Variants in FUT8 observed in about 807,000 individuals in gnomAD.
FUT8 encodes the protein alpha-(1,6)-fucosyltransferase.
In FUT8, 29 loss-of-function variants were observed where a neutral mutation model predicts 71.3. The ratio of observed to expected loss-of-function variants is 0.41; its 90% CI spans 0.30 to 0.55. The LOEUF is 0.55. Among genes scored for constraint, FUT8 ranks in the 20% least tolerant of loss-of-function variants. The pLI, the probability that FUT8 is intolerant of heterozygous loss-of-function variation, is 0.34. For missense variants in FUT8, 544 were observed against 702.1 expected (o/e 0.77, Z 2.55); for synonymous variants, 254 against 239.3 (o/e 1.06, Z -0.57).
chr14:65,471,187 C>A, intron 2 of FUT8: 1 of 213,514 alleles, frequency 4.7e-6, no homozygotes, highest in Non-Finnish European at 1.0e-5. Context: ...CCTCTGCCCT[C>A]TACCAACTGT....
chr14:65,691,060 C>T (rs1168439796), intron 7 of FUT8, among the ~76,000 whole-genome samples: 1 of 151,126 alleles, frequency 6.6e-6, no homozygotes, highest in South Asian at 2.1e-4. Context: ...TTGTATCCTA[C>T]AACCTTGATA....
chr14:65,466,735 G>A (rs2139608315), intron 2 of FUT8, among the ~76,000 whole-genome samples: 1 of 152,020 alleles, frequency 6.6e-6, no homozygotes, highest in African/African-American at 2.4e-5. Context: ...GGGCGACAGA[G>A]CAAGACTGTC....
In FUT8 at chr14:65,677,151, T is replaced by TGTGTGTGTGTGTGTGCGCGCGCGC; in HGVS notation, c.835+7672_835+7673insTGTGTGTGTGTGTGCGCGCGCGCG. 1.4e-3 allele frequency among the ~76,000 whole-genome samples: 150 copies of TGTGTGTGTGTGTGTGCGCGCGCGC among 110,694 alleles called. 1 individual carries two copies. Among genetic ancestry groups the TGTGTGTGTGTGTGTGCGCGCGCGC allele is most frequent in the Non-Finnish European group, 2.0e-3 (110 of 55,670 alleles). The allele number at this position is 110,694 out of a possible 152,430, so 72.6% of individuals were successfully genotyped here. ...GTGTGTGTGTGTGTGTGTGTGTGTGTGCGCGCGCGCATGCGCGCGCACGTA... is the reference window on the plus strand; with the variant it reads ...GTGTGTGTGTGTGTGTGTGTGTGTGTGTGTGTGTGTGTGTGCGCGCGCGCGCGCGCGCGCATGCGCGCGCACGTA... On this transcript the variant is annotated intron_variant, in intron 7 of 10. Coordinates refer to ENST00000673929, the MANE Select transcript of FUT8 (RefSeq NM_001371533.1).
In FUT8 at chr14:65,547,111, CT is replaced by C. The variant is rs925502203; in HGVS notation, c.-227-14216del. Among the ~76,000 whole-genome samples the C allele has an allele frequency of 3.2e-4, 47 of 147,188 alleles. 2 individuals are homozygous for C. In the East Asian group the frequency reaches 8.3e-3, roughly 26 times the overall value. On this transcript the variant is annotated intron_variant, in intron 2 of 10. Coordinates refer to ENST00000673929, the MANE Select transcript of FUT8 (RefSeq NM_001371533.1). ...ATTCCTAATATTAGCAGCTTATGTT[CT>C]TTTTTTTTTCAGCTTGTGTCCTTAT... is the stretch of plus-strand genomic sequence containing the variant.
At chr14:65,629,102 G>A (rs764241228) in intron 5 of FUT8, among the ~76,000 whole-genome samples, 3 of 152,078 alleles carry the variant, frequency 2.0e-5, no homozygotes, top group Non-Finnish European at 2.9e-5. Flanking sequence ...ATTAAAAGGG[G>A]GCATGAAATG....
At chr14:65,516,192 A>G (rs945109306) in intron 2 of FUT8, 8 of 76,582 alleles carry the variant, frequency 1.0e-4, no homozygotes, top group Non-Finnish European at 1.9e-4. Flanking sequence ...ATAAAAAGAA[A>G]AGGAAAAAAA....
chr14:65,691,855 C>T (rs1052628934), intron 7 of FUT8, among the ~76,000 whole-genome samples: 4 of 152,050 alleles, frequency 2.6e-5, no homozygotes, highest in Non-Finnish European at 4.4e-5. Flanking sequence ...CATCTTGCAC[C>T]GCCCTTAATC....
intron 9 of FUT8, among the ~76,000 whole-genome samples, chr14:65,730,485 A>C (rs1409694120): frequency 1.3e-5 from 2 of 152,144 alleles, no homozygotes; most frequent in Admixed American, 1.3e-4. Context: ...CATCCTGGCT[A>C]ACATGGTAAA....
chr14:65,611,704 C>T (rs528489481), intron 3 of FUT8, among the ~76,000 whole-genome samples: 206 of 152,110 alleles, frequency 1.4e-3, no homozygotes, highest in Non-Finnish European at 2.1e-3. Context: ...TCTGCCACCC[C>T]GGCTGGAGTT....
At chr14:65,470,645 C>T (rs1032949438) in intron 2 of FUT8, among the ~76,000 whole-genome samples, 1 of 152,102 alleles carries the variant, frequency 6.6e-6, no homozygotes, top group Non-Finnish European at 1.5e-5. Flanking sequence ...GTGGCAGGCT[C>T]AGCAGTCGCC....
chr14:65,521,437 A>G (rs1883073401), intron 2 of FUT8, among the ~76,000 whole-genome samples: 1 of 152,186 alleles, frequency 6.6e-6, no homozygotes, highest in South Asian at 2.1e-4. Context: ...TGTTCTAGAG[A>G]AAAGTAAGTA....
At chr14:65,469,518 G>A (rs1175830873) in intron 2 of FUT8, among the ~76,000 whole-genome samples, 1 of 152,164 alleles carries the variant, frequency 6.6e-6, no homozygotes, top group African/African-American at 2.4e-5. Flanking sequence ...GCCTTTGCCC[G>A]AGTTCTTGTC....
chr14:65,595,461 G>T (rs894636697), intron 3 of FUT8, among the ~76,000 whole-genome samples: 1 of 152,052 alleles, frequency 6.6e-6, no homozygotes, highest in Admixed American at 6.6e-5. Context: ...TCACTCTCAT[G>T]TTATATACCT....
chr14:65,436,317 A>G (rs1476243803), intron 1 of FUT8, among the ~76,000 whole-genome samples: 1 of 152,014 alleles, frequency 6.6e-6, no homozygotes, highest in Non-Finnish European at 1.5e-5. Context: ...ACATTCCGAG[A>G]ATGCTTATTG....
intron 2 of FUT8, among the ~76,000 whole-genome samples, chr14:65,544,296 C>T (rs1884859335): frequency 6.6e-6 from 1 of 152,104 alleles, no homozygotes; most frequent in Admixed American, 6.5e-5. Context: ...CACTTTTATG[C>T]ATATTATCAT....
intron 1 of FUT8, among the ~76,000 whole-genome samples, chr14:65,428,397 A>G (rs2065420420): frequency 6.6e-6 from 1 of 152,188 alleles, no homozygotes; most frequent in South Asian, 2.1e-4. Context: ...GAATGGGATT[A>G]GTGTCTTTAC....
intron 2 of FUT8, among the ~76,000 whole-genome samples, chr14:65,536,771 TGCATTTCCTGTGAATGTTG>T (rs1884340195): frequency 6.6e-6 from 1 of 152,190 alleles, no homozygotes; most frequent in Non-Finnish European, 1.5e-5. Flanking sequence ...AGGGGTTCTC[TGCATTTCCTGTGAATGTTG>T]GCCTCTCTCT....
intron 7 of FUT8, among the ~76,000 whole-genome samples, chr14:65,692,179 C>T (rs1444957926): frequency 2.6e-5 from 4 of 151,486 alleles, no homozygotes; most frequent in African/African-American, 4.8e-5. Flanking sequence ...TAGGGGTGGC[C>T]GGGCAGAGGT....
At chr14:65,681,680 G>T (rs1202366931) in intron 7 of FUT8, among the ~76,000 whole-genome samples, 5 of 152,156 alleles carry the variant, frequency 3.3e-5, no homozygotes, top group Admixed American at 3.3e-4. Context: ...TTGATTCAGT[G>T]AATATACTGA....
Sources: gnomAD v4.1 joint callset for allele counts (sites outside exome capture counted in the v4.1 genomes callset) on GRCh38, gnomAD v4.1.1 for gene constraint, MANE v1.5 for transcripts, NCBI Gene and HGNC (gene_info 2026-07-23, HGNC 2026-07-21) for gene names.